SSBP2: variants seen among roughly 807,000 people sequenced by gnomAD.
SSBP2 encodes single stranded DNA binding protein 2.
In SSBP2, 17 loss-of-function variants were observed where a neutral mutation model predicts 61.8. The ratio of observed to expected loss-of-function variants is 0.28; its 90% CI spans 0.19 to 0.41. SSBP2 has a LOEUF of 0.41. Ranked by LOEUF, SSBP2 falls within the 10% of genes least tolerant of loss-of-function variation. SSBP2 has a pLI of 1.00. For synonymous variants in SSBP2, 139 were observed against 141.3 expected, an observed-to-expected ratio of 0.98 and a Z score of 0.12; for missense variants, 310 against 458.7, an observed-to-expected ratio of 0.68 and a Z score of 2.96.
chr5:81,719,025 A>C (rs1211529229), intron 1 of SSBP2, among the ~76,000 whole-genome samples: 7 of 152,160 alleles, frequency 4.6e-5, no homozygotes, highest in Admixed American at 4.6e-4. Flanking sequence ...TACATTTTTT[A>C]TAATAACAAG....
At chr5:81,437,663 T>C in intron 14 of SSBP2, 1 of 386,152 alleles carries the variant, frequency 2.6e-6, no homozygotes, top group Non-Finnish European at 4.7e-6. Context: ...AGTTCTATCC[T>C]TAGTTCCCAA....
intron 1 of SSBP2, among the ~76,000 whole-genome samples, chr5:81,682,932 G>A (rs1166844457): frequency 2.0e-5 from 3 of 152,178 alleles, no homozygotes; most frequent in East Asian, 1.9e-4. Flanking sequence ...CTAGAAATGA[G>A]ATACACAGGT....
At chr5:81,684,543 C>A (rs1752626856) in intron 1 of SSBP2, among the ~76,000 whole-genome samples, 1 of 151,966 alleles carries the variant, frequency 6.6e-6, no homozygotes, top group African/African-American at 2.4e-5. Context: ...ATCATTGTGC[C>A]CTGGTTGTGA....
chr5:81,725,505 C>T (rs1755815894), intron 1 of SSBP2, among the ~76,000 whole-genome samples: 1 of 151,982 alleles, frequency 6.6e-6, no homozygotes, highest in Non-Finnish European at 1.5e-5. Flanking sequence ...ATCCAGAGAT[C>T]CCACTCTGAA....
intron 5 of SSBP2, among the ~76,000 whole-genome samples, chr5:81,504,458 C>G (rs1768027676): frequency 6.6e-6 from 1 of 152,216 alleles, no homozygotes. Flanking sequence ...TCTAGCCAGA[C>G]TATCTTACTG....
At chr5:81,662,834 A>G (rs1033167998) in intron 1 of SSBP2, among the ~76,000 whole-genome samples, 17 of 152,162 alleles carry the variant, frequency 1.1e-4, no homozygotes, top group Non-Finnish European at 2.5e-4. Context: ...AAAGAAAATT[A>G]CAACTTCTAA....
At chr5:81,680,486 A>C (rs2153812672) in intron 1 of SSBP2, among the ~76,000 whole-genome samples, 1 of 151,958 alleles carries the variant, frequency 6.6e-6, no homozygotes, top group East Asian at 1.9e-4. Flanking sequence ...TGGATCAAAA[A>C]AATAAGACTC....
chr5:81,553,261 T>C (rs1772345423), intron 4 of SSBP2, among the ~76,000 whole-genome samples: 1 of 152,228 alleles, frequency 6.6e-6, no homozygotes, highest in Non-Finnish European at 1.5e-5. Flanking sequence ...TAACTACCTT[T>C]TATGTTTTAT....
chr5:81,472,711 T>C (rs1239187663), intron 8 of SSBP2, among the ~76,000 whole-genome samples: 2 of 152,158 alleles, frequency 1.3e-5, no homozygotes, highest in African/African-American at 2.4e-5. Flanking sequence ...GCGATTCTTC[T>C]GCCTCATCCT....
intron 1 of SSBP2, chr5:81,750,764 G>C (rs1222067068): frequency 1.7e-6 from 1 of 574,712 alleles, no homozygotes; most frequent in African/African-American, 2.0e-5. Context: ...GGTCCCTCCC[G>C]CCGACAGCCC....
intron 4 of SSBP2, among the ~76,000 whole-genome samples, chr5:81,523,779 T>G (rs576328238): frequency 6.6e-6 from 1 of 152,112 alleles, no homozygotes; most frequent in African/African-American, 2.4e-5. Flanking sequence ...TTAAATATAC[T>G]CCCTACCGCC....
At chr5:81,457,822 G>A (rs951514719) in intron 10 of SSBP2, among the ~76,000 whole-genome samples, 3 of 151,856 alleles carry the variant, frequency 2.0e-5, no homozygotes, top group South Asian at 2.1e-4. Flanking sequence ...TACCACACCC[G>A]GCTAATTTTT....
chr5:81,591,939 C>T (rs1267732174), intron 4 of SSBP2, among the ~76,000 whole-genome samples: 2 of 152,224 alleles, frequency 1.3e-5, no homozygotes, highest in Admixed American at 1.3e-4. Flanking sequence ...TCTGCATTTC[C>T]AACTGAGGTA....
At chr5:81,655,503 T>C (rs940294703) in intron 1 of SSBP2, among the ~76,000 whole-genome samples, 1 of 152,232 alleles carries the variant, frequency 6.6e-6, no homozygotes, top group African/African-American at 2.4e-5. Context: ...ATTCTAATTT[T>C]AAACTGGATA....
intron 1 of SSBP2, chr5:81,710,811 CA>C: frequency 5.3e-6 from 2 of 377,204 alleles, no homozygotes; most frequent in Admixed American, 6.3e-5. Flanking sequence ...AAGGAATAGG[CA>C]AAAATTGGCA....
intron 1 of SSBP2, among the ~76,000 whole-genome samples, chr5:81,686,893 G>A (rs866166391): frequency 1.5e-5 from 2 of 134,894 alleles, no homozygotes; most frequent in African/African-American, 6.2e-5. Context: ...GAAAAGAAAA[G>A]AAAAGAAAAG....
intron 5 of SSBP2, among the ~76,000 whole-genome samples, chr5:81,494,697 C>T (rs1767157336): frequency 6.6e-6 from 1 of 152,006 alleles, no homozygotes; most frequent in South Asian, 2.1e-4. Flanking sequence ...TAAACTTCCT[C>T]ATCTATGGCA....
chr5:81,412,885 AG>A lies in SSBP2; in HGVS notation c.*7618del, dbSNP rs1761193543. 6.6e-6 allele frequency: 1 copy of A among 152,046 alleles called. No individual in the cohort carries two copies. Among genetic ancestry groups the A allele is most frequent in the Non-Finnish European group, 1.5e-5 (1 of 67,986 alleles). 9.4% of individuals were successfully genotyped at this position (152,046 alleles called of 1,614,324 possible). On this transcript the variant is annotated 3_prime_UTR_variant, in exon 17 of 17. Transcript: ENST00000320672. Reference sequence around the variant, plus strand: ...AGTTTTTTTTTGGCATTCCATGTTTAGTTATCTGACCACATAGAGCCAGCCA... The same window carrying A: ...AGTTTTTTTTTGGCATTCCATGTTTATTATCTGACCACATAGAGCCAGCCA...
At chr5:81,469,229 C>T (rs1202056082) in intron 8 of SSBP2, among the ~76,000 whole-genome samples, 1 of 151,822 alleles carries the variant, frequency 6.6e-6, no homozygotes, top group Admixed American at 6.6e-5. Flanking sequence ...CCCAATGATA[C>T]CCTGATCTTA....
Sources: allele counts gnomAD v4.1 joint callset (sites outside exome capture counted in the v4.1 genomes callset), GRCh38; gene constraint gnomAD v4.1.1; transcripts MANE v1.5; gene names NCBI Gene and HGNC (gene_info 2026-07-23, HGNC 2026-07-21).